CNTNAP5: variants seen among roughly 807,000 people sequenced by gnomAD.
CNTNAP5 encodes the protein contactin-associated protein-like 5.
CNTNAP5 carries 72 observed loss-of-function variants against 150.2 expected under a neutral mutation model. The observed-to-expected ratio is 0.48, with a 90% CI of 0.40 to 0.58. CNTNAP5 has a LOEUF of 0.58. Among genes scored for constraint, CNTNAP5 ranks in the 20% least tolerant of loss-of-function variants. The probability of loss-of-function intolerance (pLI) is 0.00; values close to 1 mark genes in which losing one functional copy is unlikely to be tolerated. For synonymous variants in CNTNAP5, 672 were observed against 619.8 expected (o/e 1.08, Z -1.25); for missense variants, 1,636 against 1,626.2 (o/e 1.01, Z -0.10).
chr2:124,456,311 C>CAATAAATA (rs747992261), intron 6 of CNTNAP5, among the ~76,000 whole-genome samples: 1 of 151,682 alleles, frequency 6.6e-6, no homozygotes, highest in South Asian at 2.1e-4. Flanking sequence ...ACAATAACTG[C>CAATAAATA]AATAAATAAA....
rs374457584 is a variant in CNTNAP5, at chr2:124,707,064, G to A, written c.2078-40165G>A. 9.0e-3 allele frequency among the ~76,000 whole-genome samples: 877 copies of A among 97,252 alleles called. 60 individuals carry two copies. Among genetic ancestry groups the A allele is most frequent in the African/African-American group, 0.034 (822 of 24,270 alleles). 63.8% of individuals were successfully genotyped at this position (97,252 alleles called of 152,430 possible). A position where few individuals can be genotyped will look rare whatever the true frequency, so the allele number is the denominator to read the frequency against. Reference sequence around the variant, plus strand: ...AAGGAGGAGGAGGAGGAGGAGGAGAGGAAGAGGAAGAAGAAGAAGAGGAAG... The same window carrying A: ...AAGGAGGAGGAGGAGGAGGAGGAGAAGAAGAGGAAGAAGAAGAAGAGGAAG... On this transcript the variant is annotated intron_variant, in intron 13 of 23. Transcript: ENST00000682447.
chr2:124,597,512 G>A (rs13019539), intron 11 of CNTNAP5, among the ~76,000 whole-genome samples: 63,472 of 148,438 alleles, frequency 0.43, 14,204 homozygotes, highest in East Asian at 0.79. Context: ...CAAGAGATCC[G>A]CTGTTAGTCT....
intron 12 of CNTNAP5, among the ~76,000 whole-genome samples, chr2:124,624,775 C>T (rs1020139693): frequency 9.9e-5 from 15 of 152,148 alleles, no homozygotes; most frequent in Admixed American, 3.3e-4. Flanking sequence ...GTTGAAAGTA[C>T]ACAAGGAGGC....
chr2:124,036,582 C>T (rs1211547046), intron 1 of CNTNAP5, among the ~76,000 whole-genome samples: 1 of 152,004 alleles, frequency 6.6e-6, no homozygotes, highest in Non-Finnish European at 1.5e-5. Flanking sequence ...GATTCTGCAA[C>T]AATCAGGAAC....
chr2:124,854,454 G>T (rs1677302551), intron 19 of CNTNAP5, among the ~76,000 whole-genome samples: 1 of 152,120 alleles, frequency 6.6e-6, no homozygotes, highest in African/African-American at 2.4e-5. Flanking sequence ...TTTAGTACCA[G>T]GTTAGGTGCC....
intron 3 of CNTNAP5, among the ~76,000 whole-genome samples, chr2:124,282,555 A>T (rs1032718064): frequency 6.6e-5 from 10 of 151,922 alleles, no homozygotes; most frequent in African/African-American, 2.2e-4. Flanking sequence ...GAAAGTTTCT[A>T]TTTATTAATG....
At chr2:124,414,487 T>C (rs1008838202) in intron 3 of CNTNAP5, among the ~76,000 whole-genome samples, 8 of 152,092 alleles carry the variant, frequency 5.3e-5, no homozygotes, top group African/African-American at 1.9e-4. Context: ...TCTAAGACTA[T>C]GAAACTGCAA....
intron 6 of CNTNAP5, among the ~76,000 whole-genome samples, chr2:124,451,555 C>T (rs1181598053): frequency 6.6e-6 from 1 of 152,092 alleles, no homozygotes; most frequent in African/African-American, 2.4e-5. Context: ...ATTGCAGTTC[C>T]CACTCAGACA....
At position 124,417,543 on chromosome 2, in the gene CNTNAP5, C is replaced by G. The variant is rs1558892587; in HGVS notation, c.482C>G (p.Pro161Arg). Reference protein sequence around the residue: ...FVRFVPLEWNPSGKIGMRVEV... With the variant: ...FVRFVPLEWNRSGKIGMRVEV... ...CGCTTTGTGCCCCTGGAATGGAATCCCAGTGGGAAGATTGGCATGAGAGTC... is the reference window on the plus strand; with the variant it reads ...CGCTTTGTGCCCCTGGAATGGAATCGCAGTGGGAAGATTGGCATGAGAGTC... Residue 161 changes from proline (P) to arginine (R), a missense_variant, in exon 4 of 24, where the codon CCC (proline) becomes CGC (arginine). Pro to Arg is a moderately radical substitution (Grantham distance 103). Coordinates refer to ENST00000682447, the MANE Select transcript of CNTNAP5 (RefSeq NM_001367498.1). The G allele has an allele frequency of 6.2e-7, 1 of 1,613,600 alleles. No homozygotes were observed. Among genetic ancestry groups the G allele is most frequent in the Admixed American group, 1.7e-5 (1 of 59,962 alleles).
chr2:124,125,039 C>T (rs1558765308), intron 1 of CNTNAP5, among the ~76,000 whole-genome samples: 2 of 152,124 alleles, frequency 1.3e-5, no homozygotes, highest in South Asian at 2.1e-4. Flanking sequence ...ATCAAAATAA[C>T]GGGATCAAAT....
At chr2:124,786,878 G>A (rs750449862) in intron 17 of CNTNAP5, among the ~76,000 whole-genome samples, 1 of 152,140 alleles carries the variant, frequency 6.6e-6, no homozygotes, top group South Asian at 2.1e-4. Flanking sequence ...CTTACTCCTA[G>A]TTTTCTCCTT....
intron 19 of CNTNAP5, among the ~76,000 whole-genome samples, chr2:124,846,513 C>G (rs550417640): frequency 6.6e-6 from 1 of 152,228 alleles, no homozygotes; most frequent in South Asian, 2.1e-4. Flanking sequence ...TGGACCTCAC[C>G]TTTCTCTGAT....
intron 1 of CNTNAP5, among the ~76,000 whole-genome samples, chr2:124,140,339 C>T (rs1684089205): frequency 1.3e-5 from 2 of 151,852 alleles, no homozygotes; most frequent in Admixed American, 1.3e-4. Flanking sequence ...GGGGGCAGGG[C>T]ACAGTCAAAC....
At chr2:124,469,871 C>T (rs936433106) in intron 6 of CNTNAP5, among the ~76,000 whole-genome samples, 3 of 152,152 alleles carry the variant, frequency 2.0e-5, no homozygotes, top group Non-Finnish European at 4.4e-5. Flanking sequence ...TAATGGCCTC[C>T]TGCTGCATCC....
At chr2:124,815,921 C>G (rs775995975) in intron 19 of CNTNAP5, among the ~76,000 whole-genome samples, 1 of 152,102 alleles carries the variant, frequency 6.6e-6, no homozygotes, top group Non-Finnish European at 1.5e-5. Flanking sequence ...TAATAAATGA[C>G]GTTTTAAAGG....
chr2:124,170,315 C>T (rs1371903334), intron 1 of CNTNAP5, among the ~76,000 whole-genome samples: 2 of 151,998 alleles, frequency 1.3e-5, no homozygotes, highest in East Asian at 1.9e-4. Flanking sequence ...ACTGACATAA[C>T]CTTTGCTTTT....
intron 6 of CNTNAP5, among the ~76,000 whole-genome samples, chr2:124,467,694 G>A (rs545874262): frequency 1.3e-5 from 2 of 152,098 alleles, no homozygotes; most frequent in African/African-American, 4.8e-5. Flanking sequence ...TCTGATAATG[G>A]ACTAAATCTA....
At chr2:124,411,139 A>T (rs1461783506) in intron 3 of CNTNAP5, among the ~76,000 whole-genome samples, 1 of 152,230 alleles carries the variant, frequency 6.6e-6, no homozygotes, top group Non-Finnish European at 1.5e-5. Context: ...GAAGAAATGG[A>T]TAAATTCCTG....
intron 1 of CNTNAP5, among the ~76,000 whole-genome samples, chr2:124,059,580 C>A (rs1558741139): frequency 6.6e-6 from 1 of 151,844 alleles, no homozygotes; most frequent in East Asian, 1.9e-4. Flanking sequence ...TCATACACGG[C>A]ACATATTAGG....
Sources: allele counts gnomAD v4.1 joint callset (sites outside exome capture counted in the v4.1 genomes callset), GRCh38; gene constraint gnomAD v4.1.1; transcripts MANE v1.5; gene names NCBI Gene and HGNC (gene_info 2026-07-23, HGNC 2026-07-21).